The following MAD1L1 variants were observed in gnomAD, a reference collection of about 807,000 sequenced individuals.
MAD1L1 encodes the protein mitotic arrest deficient 1 like 1.
A neutral mutation model predicts 96.9 loss-of-function variants in MAD1L1; 95 were observed. The ratio of observed to expected loss-of-function variants is 0.98; its 90% CI spans 0.83 to 1.16. MAD1L1 has a LOEUF of 1.16. Among genes scored for constraint, MAD1L1 ranks in the 50% most tolerant of loss-of-function variants. The pLI is 0.00. For synonymous variants in MAD1L1, 473 were observed against 396.6 expected (o/e 1.19, Z -2.29); for missense variants, 1,007 against 954.4 (o/e 1.06, Z -0.73).
intron 10 of MAD1L1, among the ~76,000 whole-genome samples, chr7:2,203,147 CG>C (rs1465896243): frequency 2.9e-4 from 44 of 152,216 alleles, no homozygotes; most frequent in Non-Finnish European, 1.5e-4. Context: ...TCAGGCACAA[CG>C]GGACAGGCAA....
intron 15 of MAD1L1, among the ~76,000 whole-genome samples, chr7:1,969,369 G>A (rs914788682): frequency 2.0e-5 from 3 of 152,006 alleles, no homozygotes; most frequent in African/African-American, 4.8e-5. Flanking sequence ...GTGACAGAGC[G>A]AAACTCCACC....
intron 18 of MAD1L1, among the ~76,000 whole-genome samples, chr7:1,824,570 G>T (rs1448403575): frequency 6.6e-6 from 1 of 152,128 alleles, no homozygotes; most frequent in Non-Finnish European, 1.5e-5. Context: ...TCCCCACCTC[G>T]CTGCAGCAGG....
intron 13 of MAD1L1, among the ~76,000 whole-genome samples, chr7:2,007,057 G>A (rs1398238003): frequency 6.6e-6 from 1 of 152,092 alleles, no homozygotes; most frequent in African/African-American, 2.4e-5. Context: ...GCTGGGTGAG[G>A]AGAGAGGAAT....
intron 18 of MAD1L1, among the ~76,000 whole-genome samples, chr7:1,878,531 T>C (rs112887096): frequency 0.014 from 2,119 of 150,506 alleles, 54 homozygotes; most frequent in African/African-American, 0.049. Context: ...ACTTACAATA[T>C]CAACAGAATA....
intron 18 of MAD1L1, among the ~76,000 whole-genome samples, chr7:1,841,644 T>C (rs1206357725): frequency 6.6e-6 from 1 of 152,196 alleles, no homozygotes; most frequent in Non-Finnish European, 1.5e-5. Context: ...CCACAGTGGC[T>C]GAGGCCGGTG....
At chr7:2,154,841 C>G (rs575744275) in intron 10 of MAD1L1, among the ~76,000 whole-genome samples, 1 of 152,150 alleles carries the variant, frequency 6.6e-6, no homozygotes, top group Non-Finnish European at 1.5e-5. Flanking sequence ...TCCGATCAAA[C>G]GGGTCAGGAG....
Position 2,016,090 on chromosome 7 carries a change from C to T in MAD1L1, c.1219-1448G>A, listed in dbSNP as rs73672008. 5.5e-3 allele frequency among the ~76,000 whole-genome samples: 837 copies of T among 152,234 alleles called. 5 individuals are homozygous for T. The highest frequency in any genetic ancestry group is 0.019 in the African/African-American group (793 of 41,546). ...TTGATAAGATGGGAAATGGGGTGGC[C>T]ATGAAGACTGATGCTGTCAGGAATG... is the stretch of plus-strand genomic sequence containing the variant. On this transcript the variant is annotated intron_variant, in intron 12 of 18. Transcript: ENST00000265854.
Position 1,816,027 on chromosome 7 carries a change from A to C in MAD1L1, c.*43T>G. On this transcript the variant is annotated 3_prime_UTR_variant, in exon 19 of 19. Transcript: ENST00000265854. Reference sequence around the variant, plus strand: ...TGGCGGGGCAGGGGACCTGCAGGTCAGGCCAAGCAGAGTGGCTCCGGCTAT... The same window carrying C: ...TGGCGGGGCAGGGGACCTGCAGGTCCGGCCAAGCAGAGTGGCTCCGGCTAT... The C allele has an allele frequency of 1.3e-6, 2 of 1,550,368 alleles. No homozygotes were observed. The highest frequency in any genetic ancestry group is 1.7e-6 in the Non-Finnish European group (2 of 1,147,322).
chr7:1,987,153 C>T (rs1781188483), intron 14 of MAD1L1, among the ~76,000 whole-genome samples: 1 of 152,254 alleles, frequency 6.6e-6, no homozygotes, highest in African/African-American at 2.4e-5. Flanking sequence ...CCTCCCCTGC[C>T]AGCTGGAAGT....
At chr7:2,183,591 T>C (rs1003591315) in intron 10 of MAD1L1, among the ~76,000 whole-genome samples, 14 of 152,194 alleles carry the variant, frequency 9.2e-5, no homozygotes, top group Non-Finnish European at 1.9e-4. Context: ...GATGAGTTCA[T>C]GTCCTTTGTA....
chr7:1,850,730 C>T (rs1037775253), intron 18 of MAD1L1, among the ~76,000 whole-genome samples: 2 of 152,194 alleles, frequency 1.3e-5, no homozygotes, highest in Non-Finnish European at 2.9e-5. Flanking sequence ...CCGCACTATC[C>T]ACCCCTGCAT....
chr7:2,206,009 G>T (rs769997365), intron 10 of MAD1L1, among the ~76,000 whole-genome samples: 1 of 152,104 alleles, frequency 6.6e-6, no homozygotes, highest in African/African-American at 2.4e-5. Flanking sequence ...GTGCACGCCT[G>T]GAACCCCAGC....
At chr7:2,175,963 G>C (rs1790929302) in intron 10 of MAD1L1, among the ~76,000 whole-genome samples, 1 of 152,198 alleles carries the variant, frequency 6.6e-6, no homozygotes, top group Non-Finnish European at 1.5e-5. Context: ...AGAGAGAAGA[G>C]AAAAAGCACA....
chr7:1,854,398 C>T, intron 18 of MAD1L1: 1 of 463,980 alleles, frequency 2.2e-6, no homozygotes, highest in Admixed American at 2.3e-5. Context: ...TCGGCCGCTG[C>T]AGACTAGGTG....
At position 2,188,813 on chromosome 7, in the gene MAD1L1, C is replaced by CA. The variant is rs530029722; in HGVS notation, c.986+24398dup. Among the ~76,000 whole-genome samples, 319 of 145,146 alleles carry CA rather than the reference C, an allele frequency of 2.2e-3. 5 individuals are homozygous for CA. The South Asian group carries it at 0.038, about 17-fold the overall frequency. ...ATGACATCAAAGGCACAGATAACAG[C>CA]AAAAAAAAAATAGACAAATGAAATC... On this transcript the variant is annotated intron_variant, in intron 10 of 18. Coordinates refer to ENST00000265854, the MANE Select transcript of MAD1L1 (RefSeq NM_001013836.2).
At chr7:2,086,904 C>T (rs1009610837) in intron 11 of MAD1L1, among the ~76,000 whole-genome samples, 26 of 152,284 alleles carry the variant, frequency 1.7e-4, no homozygotes, top group South Asian at 4.1e-4. Context: ...AGAGAAATCA[C>T]GTGCAGGAAG....
intron 9 of MAD1L1, among the ~76,000 whole-genome samples, chr7:2,214,540 T>C (rs1483522169): frequency 6.6e-6 from 1 of 152,046 alleles, no homozygotes; most frequent in Non-Finnish European, 1.5e-5. Context: ...GCACTGCAGA[T>C]GGAGTCTGCC....
chr7:2,186,981 C>T (rs1181822095), intron 10 of MAD1L1, among the ~76,000 whole-genome samples: 1 of 151,806 alleles, frequency 6.6e-6, no homozygotes, highest in Admixed American at 6.6e-5. Flanking sequence ...TTAGTAGAGA[C>T]GAGGTTTCGC....
intron 18 of MAD1L1, among the ~76,000 whole-genome samples, chr7:1,872,324 G>A (rs532304880): frequency 3.3e-5 from 5 of 152,332 alleles, no homozygotes; most frequent in East Asian, 3.9e-4. Flanking sequence ...CGGCCTGGCC[G>A]ATGGCCCTGA....
Sources: gnomAD v4.1 joint callset for allele counts (sites outside exome capture counted in the v4.1 genomes callset) on GRCh38, gnomAD v4.1.1 for gene constraint, MANE v1.5 for transcripts, NCBI Gene and HGNC (gene_info 2026-07-23, HGNC 2026-07-21) for gene names.